The following SPAM1 variants were observed in gnomAD, a reference collection of about 807,000 sequenced individuals.
SPAM1 encodes sperm adhesion molecule 1.
In SPAM1, 22 loss-of-function variants were observed where a neutral mutation model predicts 29.6. The ratio of observed to expected loss-of-function variants is 0.74; its 90% CI spans 0.53 to 1.06. The LOEUF (loss-of-function observed/expected upper bound fraction) is 1.06, where lower values mean the gene tolerates loss of function less well. Among genes scored for constraint, SPAM1 ranks in the 50% least tolerant of loss-of-function variants. The pLI is 0.00. For missense variants in SPAM1, 534 were observed against 604.0 expected (o/e 0.88, Z 1.21); for synonymous variants, 194 against 204.6 (o/e 0.95, Z 0.44).
In SPAM1 at chr7:123,954,355, C is replaced by A. The variant is rs868062838; in HGVS notation, c.785C>A (p.Ser262Tyr). Reference protein sequence around the residue: ...LWNESTALYPSIYLNTQQSPV... With the variant: ...LWNESTALYPYIYLNTQQSPV... ...AATGAAAGCACTGCTCTTTACCCAT[C>A]CATTTATTTGAACACTCAGCAGTCT... is the stretch of plus-strand genomic sequence containing the variant. The change falls in exon 3 of 5, where the codon TCC (serine) becomes TAC (tyrosine). Residue 262 changes from serine (S) to tyrosine (Y), a missense_variant. Transcript: ENST00000682466. The A allele has an allele frequency of 6.2e-7, 1 of 1,613,330 alleles. No homozygotes were observed. Among genetic ancestry groups the A allele is most frequent in the East Asian group, 2.2e-5 (1 of 44,840 alleles).
chr7:123,944,672 G>A (rs2117043944), intron 1 of SPAM1, among the ~76,000 whole-genome samples: 1 of 152,196 alleles, frequency 6.6e-6, no homozygotes, highest in South Asian at 2.1e-4. Context: ...TATTATGTTG[G>A]AAGAAAACAT....
Position 123,954,024 on chromosome 7 carries a change from C to A in SPAM1, c.454C>A (p.Pro152Thr), listed in dbSNP as rs763415181. 3.7e-6 allele frequency: 6 copies of A among 1,613,510 alleles called. No homozygotes were observed. The Admixed American group carries it at 5.0e-5, about 13-fold the overall frequency. Residue 152 changes from proline (P) to threonine (T), a missense_variant, in exon 3 of 5, where the codon CCC (proline) becomes ACC (threonine). Physicochemically the swap from Pro to Thr is conservative, Grantham distance 38. Transcript: ENST00000682466. The stretch of plus-strand genomic sequence containing the variant: ...TGTTATTGACTGGGAAGAATGGAGA[C>A]CCACTTGGGCAAGAAACTGGAAACC... ...MAVIDWEEWR[P>T]TWARNWKPKD...
At chr7:123,945,658 G>C (rs1353003695) in intron 1 of SPAM1, among the ~76,000 whole-genome samples, 1 of 152,180 alleles carries the variant, frequency 6.6e-6, no homozygotes, top group African/African-American at 2.4e-5. Context: ...AGTTCTTTAG[G>C]GGGTTTGAGT....
chr7:123,926,208 G>T (rs1440695501), intron 1 of SPAM1: 1 of 152,118 alleles, frequency 6.6e-6, no homozygotes, highest in Non-Finnish European at 1.5e-5. Flanking sequence ...ATACATAATT[G>T]ACTATTCCCC....
rs1224307188 is a variant in SPAM1 at position 123,949,855 on chromosome 7, T to C, written c.-318-17T>C. 1 of 26,168 alleles carries C rather than the reference T, an allele frequency of 3.8e-5. No individual in the cohort carries two copies. Among genetic ancestry groups the C allele is most frequent in the East Asian group, 4.9e-4 (1 of 2,026 alleles). 1.6% of individuals were successfully genotyped at this position (26,168 alleles called of 1,614,324 possible). A position where few individuals can be genotyped will look rare whatever the true frequency, so the allele number is the denominator to read the frequency against. On this transcript the variant is annotated splice_polypyrimidine_tract_variant and intron_variant, in intron 1 of 4. Transcript: ENST00000682466. ...AAATCTATTTTGAGAGAAAATAATC[T>C]TTTTTTTTTTTCAAAGGGATGCTAA... is the stretch of plus-strand genomic sequence containing the variant.
chr7:123,960,543 T>A (rs1792345167), downstream of SPAM1, among the ~76,000 whole-genome samples: 1 of 151,960 alleles, frequency 6.6e-6, no homozygotes, highest in Admixed American at 6.6e-5. Flanking sequence ...GACTCTAATT[T>A]GCACAGGATC....
At chr7:123,936,947 A>T (rs1808258178) in intron 1 of SPAM1, among the ~76,000 whole-genome samples, 1 of 151,962 alleles carries the variant, frequency 6.6e-6, no homozygotes, top group Admixed American at 6.6e-5. Flanking sequence ...GCTATGTATA[A>T]CTCTTCCTCC....
rs141389710 is a variant in SPAM1 at position 123,969,730 on chromosome 7, C to A, written c.1486-468C>A. Among the ~76,000 whole-genome samples the A allele has an allele frequency of 4.3e-3, 653 of 150,890 alleles. 3 individuals carry two copies. Among genetic ancestry groups the A allele is most frequent in the Non-Finnish European group, 6.4e-3 (435 of 67,792 alleles). On this transcript the variant is annotated intron_variant, in intron 5 of 6. Coordinates refer to the SPAM1 transcript ENST00000340011. ...TATTTTGAAGTCAGGTAGTGTGATGCCTCCAGCTTTGTTCCTTTTGCTCAG... is the reference window on the plus strand; with the variant it reads ...TATTTTGAAGTCAGGTAGTGTGATGACTCCAGCTTTGTTCCTTTTGCTCAG...
Position 123,959,504 on chromosome 7 carries a change from CA to C in SPAM1, c.1067del (p.Asn356IlefsTer7). 6.2e-7 allele frequency: 1 copy of C among 1,603,730 alleles called. No individual in the cohort carries two copies. Among genetic ancestry groups the C allele is most frequent in the Non-Finnish European group, 8.5e-7 (1 of 1,174,378 alleles). On this transcript the variant is annotated frameshift_variant, in exon 5 of 5. Coordinates refer to ENST00000682466, the MANE Select transcript of SPAM1 (RefSeq NM_153189.3). LOFTEE classifies it low-confidence loss of function (END_TRUNC). ...RSMKSCLLLD[N>X]YMETILNPYI... Reference sequence around the variant, plus strand: ...TACAGAAATCTTGCTTGCTCCTAGACAATTACATGGAGACTATACTGAATCC... The same window carrying C: ...TACAGAAATCTTGCTTGCTCCTAGACATTACATGGAGACTATACTGAATCC...
At chr7:123,925,457 T>A (rs1243226257) in intron 1 of SPAM1, 105 bp downstream of exon 1, 1 of 152,200 alleles carries the variant, frequency 6.6e-6, no homozygotes, top group African/African-American at 2.4e-5. Context: ...TATGTCTAGA[T>A]TTTTATGTTC....
intron 1 of SPAM1, among the ~76,000 whole-genome samples, chr7:123,939,441 G>T (rs1446426895): frequency 6.6e-6 from 1 of 152,068 alleles, no homozygotes; most frequent in Non-Finnish European, 1.5e-5. Context: ...TCAGCCTTAC[G>T]CTTGCCTACG....
At chr7:123,935,510 C>T (rs968336527) in intron 1 of SPAM1, among the ~76,000 whole-genome samples, 1 of 152,128 alleles carries the variant, frequency 6.6e-6, no homozygotes, top group Admixed American at 6.5e-5. Context: ...GCCTGTTGAT[C>T]CTAATCTAGA....
chr7:123,970,608 A>AATAATT (rs376690940), intron 6 of SPAM1, among the ~76,000 whole-genome samples: 10 of 147,272 alleles, frequency 6.8e-5, no homozygotes, highest in Non-Finnish European at 1.3e-4. Context: ...TAATAATAAT[A>AATAATT]ATTATTATTA....
chr7:123,931,609 CCT>C (rs1224877009), intron 1 of SPAM1, among the ~76,000 whole-genome samples: 1 of 152,172 alleles, frequency 6.6e-6, no homozygotes, highest in African/African-American at 2.4e-5. Context: ...GACAATTTCC[CCT>C]CTGTCTTTGG....
chr7:123,934,461 T>A (rs892802448), intron 1 of SPAM1, among the ~76,000 whole-genome samples: 1 of 152,034 alleles, frequency 6.6e-6, no homozygotes, highest in Non-Finnish European at 1.5e-5. Context: ...AATGGAACTA[T>A]CATATTACCC....
At chr7:123,969,542 G>C (rs1462514437) in intron 5 of SPAM1, among the ~76,000 whole-genome samples, 3 of 151,908 alleles carry the variant, frequency 2.0e-5, no homozygotes, top group African/African-American at 7.3e-5. Flanking sequence ...TATTGAAAAG[G>C]GTGTCTTTTC....
chr7:123,927,370 T>C (rs1807920457), intron 1 of SPAM1, among the ~76,000 whole-genome samples: 1 of 151,916 alleles, frequency 6.6e-6, no homozygotes, highest in Non-Finnish European at 1.5e-5. Flanking sequence ...TTTGCAGGAG[T>C]TCAATGGCTC....
intron 4 of SPAM1, among the ~76,000 whole-genome samples, chr7:123,958,615 C>CA (rs1792296276): frequency 6.6e-6 from 1 of 151,864 alleles, no homozygotes; most frequent in East Asian, 1.9e-4. Flanking sequence ...ATTGCTTGAG[C>CA]CCAAGAGTTC....
Position 123,953,547 on chromosome 7 carries a change from T to C in SPAM1, c.-24T>C, listed in dbSNP as rs201936549. On this transcript the variant is annotated 5_prime_UTR_variant, in exon 3 of 5. Coordinates refer to ENST00000682466, the MANE Select transcript of SPAM1 (RefSeq NM_153189.3). ...CAAAGTGTGTAGGAAGAAATAAATGTTTTCATAGTCATTACTCTTTACAAT... is the reference window on the plus strand; with the variant it reads ...CAAAGTGTGTAGGAAGAAATAAATGCTTTCATAGTCATTACTCTTTACAAT... The C allele has an allele frequency of 6.8e-7, 1 of 1,468,792 alleles. No individual in the cohort carries two copies. The highest frequency in any genetic ancestry group is 1.4e-5 in the African/African-American group (1 of 71,046). The allele number at this position is 1,468,792 out of a possible 1,614,324, so 91.0% of individuals were successfully genotyped here.
Sources: gnomAD v4.1 joint callset for allele counts (sites outside exome capture counted in the v4.1 genomes callset) on GRCh38, gnomAD v4.1.1 for gene constraint, MANE v1.5 for transcripts, NCBI Gene and HGNC (gene_info 2026-07-23, HGNC 2026-07-21) for gene names.